PCDHGB7: variants seen among roughly 807,000 people sequenced by gnomAD.
The protein encoded by PCDHGB7 is protocadherin gamma-B7.
Under a neutral mutation model 61.4 loss-of-function variants are expected in PCDHGB7, and 37 were observed. The ratio of observed to expected loss-of-function variants is 0.60; its 90% CI spans 0.46 to 0.79. The LOEUF (loss-of-function observed/expected upper bound fraction) is 0.79. PCDHGB7 is among the 30% of genes least tolerant of loss of function. The probability of loss-of-function intolerance (pLI) is 0.00; values close to 1 mark genes in which losing one functional copy is unlikely to be tolerated. For missense variants in PCDHGB7, 1,166 were observed against 1,202.5 expected (o/e 0.97, Z 0.45); for synonymous variants, 464 against 503.5 (o/e 0.92, Z 1.05).
chr5:141,465,800 C>T (rs1486100601), intron 1 of PCDHGB7, among the ~76,000 whole-genome samples: 1 of 151,524 alleles, frequency 6.6e-6, no homozygotes, highest in African/African-American at 2.4e-5. Flanking sequence ...TTTAAGAAAC[C>T]CTTCAGGATC....
At chr5:141,509,032 A>G (rs2099873869) in intron 3 of PCDHGB7, among the ~76,000 whole-genome samples, 1 of 151,488 alleles carries the variant, frequency 6.6e-6, no homozygotes, top group African/African-American at 2.4e-5. Flanking sequence ...CTCCCACTCA[A>G]CCCCTCTCCC....
chr5:141,484,922 GC>G (rs869160673), intron 1 of PCDHGB7: 1 of 481,378 alleles, frequency 2.1e-6, no homozygotes, highest in South Asian at 2.8e-5. Context: ...TAACCCTGCT[GC>G]TGTTGGGACG....
At chr5:141,453,852 T>A (rs905734700) in intron 1 of PCDHGB7, among the ~76,000 whole-genome samples, 5 of 152,164 alleles carry the variant, frequency 3.3e-5, no homozygotes, top group African/African-American at 1.2e-4. Context: ...ACAGAGCACT[T>A]TGAAAATAAC....
Position 141,486,904 on chromosome 5 carries a change from C to G in PCDHGB7, c.2416-7903C>G. On this transcript the variant is annotated intron_variant, in intron 1 of 3. Transcript: ENST00000398594. This position sits in a 1 kb window ranked among gnomAD's most constrained non-coding sequence, Gnocchi z 5.0. The stretch of plus-strand genomic sequence containing the variant: ...GGGCCCGGCCTGGTTCCTTATGTCC[C>G]CAAGCACTGCCTCCATCAGTTGGTG... 6.2e-7 allele frequency: 1 copy of G among 1,614,226 alleles called. No individual in the cohort carries two copies. The highest frequency in any genetic ancestry group is 1.1e-5 in the South Asian group (1 of 91,080).
intron 1 of PCDHGB7, among the ~76,000 whole-genome samples, chr5:141,457,906 T>G (rs1272656638): frequency 6.7e-6 from 1 of 150,040 alleles, no homozygotes; most frequent in Admixed American, 6.6e-5. Flanking sequence ...AGACAAGGTG[T>G]GAGGCCAGTT....
chr5:141,511,345 T>TC lies in PCDHGB7; in HGVS notation c.*179dup, dbSNP rs535135679. The TC allele has an allele frequency of 6.6e-4, 924 of 1,410,366 alleles. 3 individuals are homozygous for TC. The African/African-American group carries it at 0.011, about 17-fold the overall frequency. 87.4% of individuals were successfully genotyped at this position (1,410,366 alleles called of 1,614,324 possible). ...AAGTGCCCAGTCAGCACCTACCCCT[T>TC]CCCCCCCAGGGGGTTGAATATGCAA... On this transcript the variant is annotated 3_prime_UTR_variant, in exon 4 of 4. Coordinates refer to ENST00000398594, the MANE Select transcript of PCDHGB7 (RefSeq NM_018927.4).
chr5:141,429,534 A>G (rs1036595279), intron 1 of PCDHGB7, among the ~76,000 whole-genome samples: 1 of 152,222 alleles, frequency 6.6e-6, no homozygotes. Context: ...GCTTAAAAAA[A>G]TAAGAACATG....
rs1562065751 is a variant in PCDHGB7, at chr5:141,477,907, C to T, written c.2416-16900C>T. The T allele has an allele frequency of 1.9e-6, 3 of 1,614,164 alleles. No homozygotes were observed. The highest frequency in any genetic ancestry group is 2.2e-5 in the East Asian group (1 of 44,872). ...TAGTGTCACGGGTGGTAGGCTGGGA[C>T]GCGGATGCAGGGCACAATGCCTGGC... On this transcript the variant is annotated intron_variant, in intron 1 of 3. Transcript: ENST00000398594. This position sits in a 1 kb window ranked among gnomAD's most constrained non-coding sequence, Gnocchi z 4.9.
chr5:141,481,730 G>A (rs778885944), intron 1 of PCDHGB7, among the ~76,000 whole-genome samples: 1 of 151,952 alleles, frequency 6.6e-6, no homozygotes, highest in African/African-American at 2.4e-5. Context: ...GAGGCGGGCG[G>A]ATCACGAGGT....
intron 1 of PCDHGB7, among the ~76,000 whole-genome samples, chr5:141,437,771 A>G (rs971065583): frequency 7.9e-5 from 12 of 151,238 alleles, no homozygotes; most frequent in Admixed American, 6.6e-5. Context: ...CAGAGTCTCA[A>G]TCTGTCGCCA....
chr5:141,497,509 C>T (rs1282025317), intron 2 of PCDHGB7, among the ~76,000 whole-genome samples: 1 of 151,184 alleles, frequency 6.6e-6, no homozygotes, highest in Non-Finnish European at 1.5e-5. Flanking sequence ...CTCTCTGCTT[C>T]CTTAGTTAAC....
intron 1 of PCDHGB7, among the ~76,000 whole-genome samples, chr5:141,439,530 C>T (rs1003383726): frequency 6.6e-6 from 1 of 152,180 alleles, no homozygotes; most frequent in Non-Finnish European, 1.5e-5. Flanking sequence ...CTCTACAGAA[C>T]GCTGTCCTCT....
At chr5:141,458,438 CCCA>C (rs1221646653) in intron 1 of PCDHGB7, among the ~76,000 whole-genome samples, 3 of 152,024 alleles carry the variant, frequency 2.0e-5, no homozygotes, top group African/African-American at 7.2e-5. Context: ...GAGGAGGTCC[CCCA>C]CATTAACAAT....
chr5:141,447,136 T>TTTTTTG (rs1304915683), intron 1 of PCDHGB7, among the ~76,000 whole-genome samples: 1 of 152,090 alleles, frequency 6.6e-6, no homozygotes, highest in Non-Finnish European at 1.5e-5. Context: ...TGTTTGTTTG[T>TTTTTTG]TTTTTGTTTT....
Position 141,490,667 on chromosome 5 carries a change from T to C in PCDHGB7, c.2416-4140T>C, listed in dbSNP as rs906656199. The stretch of plus-strand genomic sequence containing the variant: ...CCTCCGGGCTCCCTTCTTTGCACTG[T>C]GGCTGCCTCAGATCCAGACACTGGG... On this transcript the variant is annotated intron_variant, in intron 1 of 3. Transcript: ENST00000398594. This position sits in a 1 kb window ranked among gnomAD's most constrained non-coding sequence, Gnocchi z 5.4. The C allele has an allele frequency of 6.8e-6, 11 of 1,614,206 alleles. 1 individual carries two copies. The highest frequency in any genetic ancestry group is 4.5e-5 in the East Asian group (2 of 44,876).
At chr5:141,463,338 G>A (rs1005543705) in intron 1 of PCDHGB7, among the ~76,000 whole-genome samples, 2 of 150,742 alleles carry the variant, frequency 1.3e-5, no homozygotes, top group African/African-American at 2.4e-5. Flanking sequence ...CAAAACCATG[G>A]TGTTATTCTT....
Position 141,431,938 on chromosome 5 carries a change from A to G in PCDHGB7, c.2415+11664A>G, listed in dbSNP as rs150199588. 49 of 1,614,050 alleles carry G rather than the reference A, an allele frequency of 3.0e-5. No individual in the cohort carries two copies. Among genetic ancestry groups the G allele is most frequent in the Non-Finnish European group, 3.9e-5 (46 of 1,180,026 alleles). Reference sequence around the variant, plus strand: ...TCATCCAAGGAAATCTGCCCTTTAAATTAGAAAAATCTTACGGAAATTACT... The same window carrying G: ...TCATCCAAGGAAATCTGCCCTTTAAGTTAGAAAAATCTTACGGAAATTACT... On this transcript the variant is annotated intron_variant, in intron 1 of 3. Coordinates refer to ENST00000398594, the MANE Select transcript of PCDHGB7 (RefSeq NM_018927.4). This position sits in a 1 kb window ranked among gnomAD's most constrained non-coding sequence, Gnocchi z 4.8.
At chr5:141,506,444 CAAA>C (rs1219684339) in intron 3 of PCDHGB7, among the ~76,000 whole-genome samples, 12 of 95,004 alleles carry the variant, frequency 1.3e-4, no homozygotes, top group Admixed American at 3.3e-4. Context: ...CGCTCTGTCT[CAAA>C]AAAAAAAAAA....
chr5:141,437,782 A>C (rs1410096491), intron 1 of PCDHGB7, among the ~76,000 whole-genome samples: 1 of 151,512 alleles, frequency 6.6e-6, no homozygotes, highest in African/African-American at 2.4e-5. Context: ...TCTGTCGCCA[A>C]GCTGGAGTGC....
Sources: gnomAD v4.1 joint callset for allele counts (sites outside exome capture counted in the v4.1 genomes callset) on GRCh38, gnomAD v4.1.1 for gene constraint, Gnocchi (gnomAD v3.1) non-coding constraint, MANE v1.5 for transcripts, NCBI Gene and HGNC (gene_info 2026-07-23, HGNC 2026-07-21) for gene names.